The following RCOR3 variants were observed in gnomAD, a reference collection of about 807,000 sequenced individuals.
RCOR3 encodes the protein REST corepressor 3.
Under a neutral mutation model 64.1 loss-of-function variants are expected in RCOR3, and 13 were observed. That is an observed-to-expected ratio of 0.20 (90% CI 0.13 to 0.32). The LOEUF is 0.32. RCOR3 is among the 10% of genes least tolerant of loss of function. The pLI is 1.00. For synonymous variants in RCOR3, 215 were observed against 239.0 expected (o/e 0.90, Z 0.93); for missense variants, 489 against 701.2 (o/e 0.70, Z 3.42).
In RCOR3 at chr1:211,260,631, G is replaced by C. The variant is rs368082070; in HGVS notation, c.223+467G>C. Among the ~76,000 whole-genome samples, 39 of 152,344 alleles carry C rather than the reference G, an allele frequency of 2.6e-4. No individual in the cohort carries two copies. The East Asian group carries it at 6.6e-3, about 26-fold the overall frequency. On this transcript the variant is annotated intron_variant, in intron 2 of 11. Transcript: ENST00000419091. The stretch of plus-strand genomic sequence containing the variant: ...GTCACCGGCCGGGGAAGCCAAGGGC[G>C]AGCCCTGCCGACCTGTGCGCAGCCG...
intron 9 of RCOR3, chr1:211,302,026 G>A (rs1425749295): frequency 6.6e-6 from 1 of 152,174 alleles, no homozygotes; most frequent in African/African-American, 2.4e-5. Flanking sequence ...GTTACTGCAA[G>A]TTGTGTGTAC....
chr1:211,299,240 T>A (rs1571970283), intron 9 of RCOR3, among the ~76,000 whole-genome samples: 2 of 152,132 alleles, frequency 1.3e-5, no homozygotes, highest in Admixed American at 6.5e-5. Flanking sequence ...GGGTATTAGT[T>A]ATAGGAATGG....
rs1696159506 is a variant in RCOR3, at chr1:211,271,318, T to C, written c.301+9T>C. ...TATCCCAGATGCCAAATGTAAGTTTTCTGAAGTTGAATGTTAATGTCAGCA... is the reference window on the plus strand; with the variant it reads ...TATCCCAGATGCCAAATGTAAGTTTCCTGAAGTTGAATGTTAATGTCAGCA... On this transcript the variant is annotated intron_variant, in intron 3 of 11. Transcript: ENST00000419091. 7 of 1,610,100 alleles carry C rather than the reference T, an allele frequency of 4.3e-6. No individual in the cohort carries two copies. The highest frequency in any genetic ancestry group is 3.4e-6 in the Non-Finnish European group (4 of 1,176,780).
intron 2 of RCOR3, 111 bp downstream of exon 2, chr1:211,260,275 G>A: frequency 1.1e-6 from 1 of 943,376 alleles, no homozygotes; most frequent in South Asian, 1.4e-5. Context: ...GGGTTGGGCT[G>A]GGCAGGCATC....
intron 10 of RCOR3, 112 bp downstream of exon 10, chr1:211,304,252 GTTTA>G (rs1700651125): frequency 8.7e-6 from 6 of 687,896 alleles, no homozygotes; most frequent in Non-Finnish European, 1.3e-5. Flanking sequence ...GGGCTCTTGT[GTTTA>G]TCACAAAGTC....
rs549407805 is a variant in RCOR3, at chr1:211,273,096, G to C, written c.302-1114G>C. ...TTCTACACAAAAAGCTTACCCTTTG[G>C]GGGGAGATTTGATAGCATACATTTA... is the stretch of plus-strand genomic sequence containing the variant. On this transcript the variant is annotated intron_variant, in intron 3 of 11. Coordinates refer to ENST00000419091, the MANE Select transcript of RCOR3 (RefSeq NM_001136223.3). Among the ~76,000 whole-genome samples, 39 of 152,240 alleles carry C rather than the reference G, an allele frequency of 2.6e-4. 1 individual carries two copies. The highest frequency in any genetic ancestry group is 8.9e-4 in the African/African-American group (37 of 41,544).
intron 2 of RCOR3, among the ~76,000 whole-genome samples, chr1:211,263,016 T>TC (rs1219399298): frequency 1.1e-5 from 1 of 92,168 alleles, no homozygotes; most frequent in Non-Finnish European, 2.1e-5. Context: ...ATGTTATCCC[T>TC]CCCCCCTGCC....
intron 10 of RCOR3, among the ~76,000 whole-genome samples, chr1:211,311,222 G>T (rs1234721028): frequency 6.6e-6 from 1 of 152,112 alleles, no homozygotes; most frequent in African/African-American, 2.4e-5. Flanking sequence ...TGGGTTTAAA[G>T]GGAGTATAAA....
intron 7 of RCOR3, among the ~76,000 whole-genome samples, chr1:211,284,115 G>A (rs1384984257): frequency 6.6e-6 from 1 of 151,358 alleles, no homozygotes; most frequent in Non-Finnish European, 1.5e-5. Flanking sequence ...GTGCAGTGGC[G>A]GGATCTCGGC....
In RCOR3 at chr1:211,260,173, A is replaced by C; in HGVS notation, c.223+9A>C. 1 of 1,610,740 alleles carries C rather than the reference A, an allele frequency of 6.2e-7. No individual in the cohort carries two copies. The highest frequency in any genetic ancestry group is 8.5e-7 in the Non-Finnish European group (1 of 1,177,820). On this transcript the variant is annotated intron_variant, in intron 2 of 11. Transcript: ENST00000419091. ...CCCTGAATTTGATCCAGGTAGATATATTTGCTTAAGCAAAATCTCATATCC... is the reference window on the plus strand; with the variant it reads ...CCCTGAATTTGATCCAGGTAGATATCTTTGCTTAAGCAAAATCTCATATCC...
intron 7 of RCOR3, among the ~76,000 whole-genome samples, chr1:211,281,005 A>G (rs557229116): frequency 7.1e-6 from 1 of 140,986 alleles, no homozygotes; most frequent in Non-Finnish European, 1.6e-5. Flanking sequence ...AAAAAAAGGC[A>G]TATGTCTTAA....
At position 211,300,402 on chromosome 1, in the gene RCOR3, T is replaced by C. The variant is rs73071099; in HGVS notation, c.1018-3681T>C. ...CATTTTTCCACGGAGCTGCCTCTTA[T>C]AAAGGTTAGCATTGGCACTGATGAC... On this transcript the variant is annotated intron_variant, in intron 9 of 11. Transcript: ENST00000419091. 6.5e-3 allele frequency among the ~76,000 whole-genome samples: 983 copies of C among 152,278 alleles called. 9 individuals carry two copies. The highest frequency in any genetic ancestry group is 0.021 in the African/African-American group (857 of 41,550).
intron 2 of RCOR3, among the ~76,000 whole-genome samples, chr1:211,264,951 TTAATC>T (rs1694937487): frequency 2.0e-5 from 3 of 152,218 alleles, no homozygotes; most frequent in Admixed American, 1.3e-4. Flanking sequence ...TCATATGCCT[TTAATC>T]TAATATGGCA....
chr1:211,279,782 A>G (rs888761087), intron 7 of RCOR3, among the ~76,000 whole-genome samples: 1 of 152,168 alleles, frequency 6.6e-6, no homozygotes, highest in Non-Finnish European at 1.5e-5. Context: ...CGTGGTCCCA[A>G]TGATCAACTA....
chr1:211,264,105 G>T (rs1694813660), intron 2 of RCOR3, among the ~76,000 whole-genome samples: 1 of 152,200 alleles, frequency 6.6e-6, no homozygotes, highest in Non-Finnish European at 1.5e-5. Context: ...TTACACGGTT[G>T]AGCCACCACA....
intron 8 of RCOR3, among the ~76,000 whole-genome samples, chr1:211,293,450 A>T (rs941647393): frequency 6.6e-6 from 1 of 152,176 alleles, no homozygotes; most frequent in Non-Finnish European, 1.5e-5. Context: ...CCTAAGCGTT[A>T]TTCTGCCTGG....
intron 3 of RCOR3, among the ~76,000 whole-genome samples, chr1:211,272,320 CA>C (rs1696318526): frequency 6.6e-6 from 1 of 152,118 alleles, no homozygotes; most frequent in Admixed American, 6.5e-5. Context: ...TCATTACAGA[CA>C]AAGGTTTTCA....
At chr1:211,264,046 C>T (rs1332002812) in intron 2 of RCOR3, among the ~76,000 whole-genome samples, 1 of 152,184 alleles carries the variant, frequency 6.6e-6, no homozygotes, top group South Asian at 2.1e-4. Context: ...TAGTCTTGAA[C>T]TCCTGGTCTC....
intron 8 of RCOR3, among the ~76,000 whole-genome samples, chr1:211,292,141 T>TG (rs1432382059): frequency 6.6e-6 from 1 of 152,312 alleles, no homozygotes; most frequent in East Asian, 1.9e-4. Context: ...TTAGCTCCTT[T>TG]GACTACTCAG....
Sources: gnomAD v4.1 joint callset for allele counts (sites outside exome capture counted in the v4.1 genomes callset) on GRCh38, gnomAD v4.1.1 for gene constraint, MANE v1.5 for transcripts, NCBI Gene and HGNC (gene_info 2026-07-23, HGNC 2026-07-21) for gene names.